ASAP2: variants seen among roughly 807,000 people sequenced by gnomAD.
ASAP2 encodes the protein arf-GAP with SH3 domain, ANK repeat and PH domain-containing protein 2.
A neutral mutation model predicts 131.4 loss-of-function variants in ASAP2; 45 were observed. The observed-to-expected ratio is 0.34, with a 90% CI of 0.27 to 0.44. The LOEUF (loss-of-function observed/expected upper bound fraction) is 0.44, where lower values mean the gene tolerates loss of function less well. Ranked by LOEUF, ASAP2 falls within the 20% of genes least tolerant of loss-of-function variation. ASAP2 has a pLI of 1.00. For synonymous variants in ASAP2, 510 were observed against 503.0 expected, an observed-to-expected ratio of 1.01 and a Z score of -0.19; for missense variants, 1,011 against 1,297.0, an observed-to-expected ratio of 0.78 and a Z score of 3.39.
At chr2:9,316,800 G>A (rs528296020) in intron 3 of ASAP2, among the ~76,000 whole-genome samples, 3 of 152,056 alleles carry the variant, frequency 2.0e-5, no homozygotes, top group East Asian at 1.9e-4. Context: ...TAATCCATGC[G>A]GACGGTGTGT....
intron 27 of ASAP2, among the ~76,000 whole-genome samples, chr2:9,402,804 T>C (rs1382100952): frequency 6.6e-6 from 1 of 152,206 alleles, no homozygotes; most frequent in Admixed American, 6.5e-5. Flanking sequence ...GGAACATAAG[T>C]GGATAGAGTG....
chr2:9,344,219 G>A (rs1051538095), intron 9 of ASAP2, among the ~76,000 whole-genome samples: 1 of 152,092 alleles, frequency 6.6e-6, no homozygotes, highest in African/African-American at 2.4e-5. Context: ...GCCGTAGTGG[G>A]AGCCTCATGT....
At chr2:9,234,866 T>C (rs1663431320) in intron 1 of ASAP2, among the ~76,000 whole-genome samples, 1 of 152,176 alleles carries the variant, frequency 6.6e-6, no homozygotes, top group Non-Finnish European at 1.5e-5. Context: ...TTAGAAATGT[T>C]CTCCCACACC....
chr2:9,299,685 C>A (rs1013218896), intron 3 of ASAP2, among the ~76,000 whole-genome samples: 1 of 152,178 alleles, frequency 6.6e-6, no homozygotes, highest in Non-Finnish European at 1.5e-5. Context: ...ACGTAGGAGA[C>A]GGGTGGAGGC....
intron 3 of ASAP2, among the ~76,000 whole-genome samples, chr2:9,309,258 T>G (rs757297702): frequency 6.6e-6 from 1 of 152,184 alleles, no homozygotes; most frequent in Admixed American, 6.5e-5. Context: ...TAGACGGCAG[T>G]GTAGCCATAT....
intron 1 of ASAP2, among the ~76,000 whole-genome samples, chr2:9,243,949 A>G (rs991205848): frequency 6.6e-6 from 1 of 152,158 alleles, no homozygotes; most frequent in African/African-American, 2.4e-5. Context: ...ATGTATATGA[A>G]GTTTTCTTTT....
chr2:9,379,038 G>A lies in ASAP2; in HGVS notation c.1927G>A (p.Gly643Arg), dbSNP rs1274100038. The A allele has an allele frequency of 2.5e-6, 4 of 1,573,540 alleles. No individual in the cohort carries two copies. The highest frequency in any genetic ancestry group is 2.3e-5 in the South Asian group (2 of 85,292). Residue 643 changes from glycine (G) to arginine (R), a missense_variant, in exon 19 of 28, where the codon GGG becomes AGG. Gly to Arg is a moderately radical substitution (Grantham distance 125). Around this residue, in one of 2 missense-constraint regions of ASAP2, gnomAD observed 652 missense variants for 698.9 expected, o/e 0.93. Coordinates refer to ENST00000281419, the MANE Select transcript of ASAP2 (RefSeq NM_003887.3). ...NAECLKLLLR[G>R]KASIEIANES... Reference sequence around the variant, plus strand: ...CGAGTGCCTCAAGTTGCTCCTGCGGGGGAAGGCCTCCATCGAGATAGGTGA... The same window carrying A: ...CGAGTGCCTCAAGTTGCTCCTGCGGAGGAAGGCCTCCATCGAGATAGGTGA...
At position 9,271,479 on chromosome 2, in the gene ASAP2, G is replaced by A. The variant is rs561760655; in HGVS notation, c.127-7838G>A. 7.7e-5 allele frequency: 107 copies of A among 1,396,002 alleles called. 1 individual carries two copies. Among genetic ancestry groups the A allele is most frequent in the South Asian group, 6.3e-4 (54 of 86,264 alleles). 86.5% of individuals were successfully genotyped at this position (1,396,002 alleles called of 1,614,324 possible). The stretch of plus-strand genomic sequence containing the variant: ...GTTTCTTTTTGGTGTAATCATCAGC[G>A]ATCCCTTGGACAGTAGTAAGGGCCT... On this transcript the variant is annotated intron_variant, in intron 1 of 27. Coordinates refer to ENST00000281419, the MANE Select transcript of ASAP2 (RefSeq NM_003887.3).
At chr2:9,335,651 T>C (rs1671157904) in intron 9 of ASAP2, among the ~76,000 whole-genome samples, 1 of 152,244 alleles carries the variant, frequency 6.6e-6, no homozygotes, top group Non-Finnish European at 1.5e-5. Flanking sequence ...GCTGCCTCCA[T>C]CATGACAGGC....
chr2:9,294,714 C>T (rs968434345), intron 2 of ASAP2, among the ~76,000 whole-genome samples: 1 of 152,216 alleles, frequency 6.6e-6, no homozygotes, highest in Admixed American at 6.5e-5. Flanking sequence ...GTCCAGTCCT[C>T]CTCTTGGTTT....
chr2:9,257,770 C>T (rs906107667), intron 1 of ASAP2, among the ~76,000 whole-genome samples: 14 of 152,116 alleles, frequency 9.2e-5, no homozygotes, highest in South Asian at 4.1e-4. Flanking sequence ...GTGATCCGCC[C>T]GCCTCGGCCT....
rs535259662 is a variant in ASAP2, at chr2:9,374,939, G to A, written c.1741G>A (p.Gly581Arg). ...TACGGAAAAAATCCCACTGGCCAACGGACATGTAAGAGTGTGGGTTGTTGC... is the reference window on the plus strand; with the variant it reads ...TACGGAAAAAATCCCACTGGCCAACAGACATGTAAGAGTGTGGGTTGTTGC... The part of the protein sequence containing the change: ...DLTEKIPLAN[G>R]HEPDETALHL... Residue 581 changes from glycine (G) to arginine (R), a missense_variant, in exon 17 of 28, where the codon GGA (glycine) becomes AGA (arginine). Transcript: ENST00000281419. The A allele has an allele frequency of 1.2e-5, 19 of 1,603,824 alleles. No individual in the cohort carries two copies. The highest frequency in any genetic ancestry group is 3.4e-4 in the Middle Eastern group (2 of 5,962).
chr2:9,210,950 G>T (rs1661496426), intron 1 of ASAP2, among the ~76,000 whole-genome samples: 2 of 152,012 alleles, frequency 1.3e-5, no homozygotes, highest in Non-Finnish European at 2.9e-5. Flanking sequence ...GGGGTCAGGA[G>T]TTCGAAACCA....
rs1370874778 is a variant in ASAP2, at chr2:9,403,380, C to A, written c.*53C>A. ...TTATGTTCCTGTTTCGTTATTGGTA[C>A]CAAAACTCTTGCCAGATAACCAGTT... On this transcript the variant is annotated 3_prime_UTR_variant, in exon 28 of 28. Transcript: ENST00000281419. The A allele has an allele frequency of 7.1e-6, 11 of 1,553,778 alleles. No individual in the cohort carries two copies. The highest frequency in any genetic ancestry group is 8.9e-6 in the Non-Finnish European group (10 of 1,127,468).
At chr2:9,233,839 G>A (rs1663346666) in intron 1 of ASAP2, among the ~76,000 whole-genome samples, 1 of 152,156 alleles carries the variant, frequency 6.6e-6, no homozygotes, top group African/African-American at 2.4e-5. Flanking sequence ...GGCTGGGCAT[G>A]GTGGCTCACG....
At chr2:9,362,463 A>G (rs1268928958) in intron 15 of ASAP2, among the ~76,000 whole-genome samples, 2 of 152,158 alleles carry the variant, frequency 1.3e-5, no homozygotes, top group Non-Finnish European at 2.9e-5. Context: ...AGTATGTTGT[A>G]TACATTGGGT....
Position 9,392,147 on chromosome 2 carries a change from G to A in ASAP2, c.2518+951G>A, listed in dbSNP as rs1475960012. The stretch of plus-strand genomic sequence containing the variant: ...TGGGATTACAGGTGTGGGCCACCAC[G>A]CCCAGCCTGGCATGTTTTCTTTAAT... On this transcript the variant is annotated intron_variant, in intron 23 of 27. Coordinates refer to ENST00000281419, the MANE Select transcript of ASAP2 (RefSeq NM_003887.3). The surrounding 1 kb of genome is among the most constrained non-coding windows in gnomAD (Gnocchi z 4.0). Among the ~76,000 whole-genome samples, 6 of 152,346 alleles carry A rather than the reference G, an allele frequency of 3.9e-5. No homozygotes were observed. The East Asian group carries it at 7.7e-4, about 20-fold the overall frequency.
At chr2:9,265,682 A>T (rs574962833) in intron 1 of ASAP2, among the ~76,000 whole-genome samples, 1 of 152,086 alleles carries the variant, frequency 6.6e-6, no homozygotes, top group South Asian at 2.1e-4. Context: ...ATCCTCTTTT[A>T]TAAGTATTTT....
chr2:9,317,412 G>C (rs1298362322), intron 3 of ASAP2, among the ~76,000 whole-genome samples: 1 of 130,688 alleles, frequency 7.7e-6, no homozygotes, highest in South Asian at 2.7e-4. Context: ...ACACACACAT[G>C]CTCCCTCACA....
Sources: allele counts gnomAD v4.1 joint callset (sites outside exome capture counted in the v4.1 genomes callset), GRCh38; gene constraint gnomAD v4.1.1; regional missense constraint gnomAD v4.1.1; non-coding constraint Gnocchi (gnomAD v3.1); transcripts MANE v1.5; gene names NCBI Gene and HGNC (gene_info 2026-07-23, HGNC 2026-07-21).